Variants in DNTT observed in about 807,000 individuals in gnomAD.
DNTT encodes the protein nucleosidetriphosphate:DNA deoxynucleotidylexotransferase.
Under a neutral mutation model 60.9 loss-of-function variants are expected in DNTT, and 47 were observed. That is an observed-to-expected ratio of 0.77 (90% confidence interval 0.61 to 0.98). The LOEUF (loss-of-function observed/expected upper bound fraction) is 0.98. DNTT is among the 50% of genes least tolerant of loss of function. The pLI is 0.00. For synonymous variants in DNTT, 224 were observed against 221.2 expected (o/e 1.01, Z -0.11); for missense variants, 665 against 627.5 (o/e 1.06, Z -0.64).
At position 96,319,345 on chromosome 10, in the gene DNTT, G is replaced by A. The variant is rs765947661; in HGVS notation, c.462G>A (p.Ala154=). Residue 154 remains alanine (A), a synonymous_variant, in exon 3 of 11, where the codon GCG becomes GCA. Transcript: ENST00000371174. ...CTGTACAAAAGATCTCCCAGTATGC[G>A]TGTCAGAGAAGAACCACTTTAAACA... ...PIAVQKISQY[A]CQRRTTLNNC... is the part of the protein sequence containing the mutation. 1.6e-5 allele frequency: 26 copies of A among 1,613,734 alleles called. No individual in the cohort carries two copies. Among genetic ancestry groups the A allele is most frequent in the South Asian group, 2.2e-5 (2 of 91,056 alleles).
Position 96,324,309 on chromosome 10 carries a change from A to C in DNTT, c.794A>C (p.Lys265Thr), listed in dbSNP as rs1358830143. 1.9e-6 allele frequency: 3 copies of C among 1,613,732 alleles called. No individual in the cohort carries two copies. The highest frequency in any genetic ancestry group is 2.5e-6 in the Non-Finnish European group (3 of 1,179,682). ...GGAGTGGGGCTGAAGACTTCTGAGA[A>C]GTGGTTCAGGATGGGTTTCAGAACT... ...VFGVGLKTSE[K>T]WFRMGFRTLS... The change falls in exon 6 of 11, where the codon AAG becomes ACG. Residue 265 changes from lysine (K) to threonine (T), a missense_variant. Lys to Thr is a moderately conservative substitution (Grantham distance 78). Coordinates refer to ENST00000371174, the MANE Select transcript of DNTT (RefSeq NM_004088.4).
intron 9 of DNTT, among the ~76,000 whole-genome samples, chr10:96,333,010 C>G (rs1281467529): frequency 2.0e-5 from 3 of 152,030 alleles, no homozygotes; most frequent in African/African-American, 7.2e-5. Context: ...AAATAGGAAA[C>G]AATTAATAAA....
At chr10:96,313,685 A>G (rs1336665895) in intron 1 of DNTT, among the ~76,000 whole-genome samples, 3 of 152,220 alleles carry the variant, frequency 2.0e-5, no homozygotes, top group Non-Finnish European at 4.4e-5. Flanking sequence ...GCTAATAGTC[A>G]CAAGTATTTC....
intron 9 of DNTT, among the ~76,000 whole-genome samples, chr10:96,335,245 T>C (rs1845053281): frequency 6.6e-6 from 1 of 152,204 alleles, no homozygotes; most frequent in South Asian, 2.1e-4. Context: ...CTTCATGTAT[T>C]GCTCCCTTCA....
intron 1 of DNTT, among the ~76,000 whole-genome samples, chr10:96,309,303 T>C (rs1844681029): frequency 1.3e-5 from 2 of 152,144 alleles, no homozygotes; most frequent in Admixed American, 1.3e-4. Flanking sequence ...ACCTACTCTG[T>C]GCAGTATTTG....
chr10:96,322,455 G>A (rs1426685805), intron 4 of DNTT, among the ~76,000 whole-genome samples: 8 of 152,142 alleles, frequency 5.3e-5, no homozygotes, highest in Admixed American at 5.2e-4. Context: ...ATCGTAAAGG[G>A]GTCCTTGGAT....
At chr10:96,332,215 G>T in intron 8 of DNTT, 136 bp from the exon 9 acceptor site, 2 of 1,223,824 alleles carry the variant, frequency 1.6e-6, no homozygotes, top group Admixed American at 2.5e-5. Flanking sequence ...AGTGTTTGCA[G>T]GTGGGCCTTT....
chr10:96,318,678 T>A, intron 2 of DNTT, 152 bp downstream of exon 2: 1 of 878,672 alleles, frequency 1.1e-6, no homozygotes. Flanking sequence ...CTTCAGTCTC[T>A]TCCTTTATAA....
rs1402761746 is a variant in DNTT at position 96,338,524 on chromosome 10, C to A, written c.*300C>A. 2 of 228,436 alleles carry A rather than the reference C, an allele frequency of 8.8e-6. No homozygotes were observed. The highest frequency in any genetic ancestry group is 1.7e-5 in the Non-Finnish European group (2 of 116,484). 14.2% of individuals were successfully genotyped at this position (228,436 alleles called of 1,614,324 possible). The stretch of plus-strand genomic sequence containing the variant: ...AAAGCCCACTTTGTTCGCAGTGTAG[C>A]TGAAATACTGTCTATCTCTAATAAA... On this transcript the variant is annotated 3_prime_UTR_variant, in exon 11 of 11. Coordinates refer to ENST00000371174, the MANE Select transcript of DNTT (RefSeq NM_004088.4).
intron 6 of DNTT, among the ~76,000 whole-genome samples, chr10:96,326,890 C>T (rs1205751670): frequency 6.6e-6 from 1 of 152,174 alleles, no homozygotes. Flanking sequence ...CTCTTTCTTT[C>T]CAAATCTCCC....
intron 1 of DNTT, among the ~76,000 whole-genome samples, chr10:96,312,587 A>G (rs1053852605): frequency 2.0e-5 from 3 of 152,200 alleles, no homozygotes; most frequent in African/African-American, 7.2e-5. Flanking sequence ...GGGCAGAGAG[A>G]TCACCCAGCC....
intron 1 of DNTT, among the ~76,000 whole-genome samples, chr10:96,309,651 C>T (rs1844686344): frequency 6.6e-6 from 1 of 152,112 alleles, no homozygotes; most frequent in South Asian, 2.1e-4. Context: ...CCCTGGCAAT[C>T]TCATGGTAGT....
At chr10:96,337,334 TG>T (rs1753360928) in intron 10 of DNTT, among the ~76,000 whole-genome samples, 1 of 152,198 alleles carries the variant, frequency 6.6e-6, no homozygotes. Context: ...GGTCATGTGC[TG>T]CTTCTTGGAA....
chr10:96,310,011 G>A (rs901063972), intron 1 of DNTT, among the ~76,000 whole-genome samples: 1 of 152,178 alleles, frequency 6.6e-6, no homozygotes, highest in Non-Finnish European at 1.5e-5. Context: ...CAGATTCTGT[G>A]GGAGGGAGGG....
intron 9 of DNTT, among the ~76,000 whole-genome samples, chr10:96,334,218 T>C (rs1348378377): frequency 6.6e-6 from 1 of 152,202 alleles, no homozygotes; most frequent in Non-Finnish European, 1.5e-5. Context: ...TGGGTGATCT[T>C]GGACAAGTTC....
At chr10:96,309,013 C>A (rs1844677049) in intron 1 of DNTT, among the ~76,000 whole-genome samples, 1 of 152,144 alleles carries the variant, frequency 6.6e-6, no homozygotes, top group African/African-American at 2.4e-5. Context: ...GGCTCAGAGG[C>A]CTGACAATTA....
chr10:96,324,996 G>A (rs776652804), intron 6 of DNTT, among the ~76,000 whole-genome samples: 12 of 152,168 alleles, frequency 7.9e-5, no homozygotes, highest in Non-Finnish European at 1.6e-4. Flanking sequence ...AGACAAGACC[G>A]TGGTGGGACA....
At position 96,319,318 on chromosome 10, in the gene DNTT, T is replaced by G. The variant is rs371099621; in HGVS notation, c.435T>G (p.Ile145Met). The change falls in exon 3 of 11, where the codon ATT becomes ATG. Residue 145 changes from isoleucine to methionine, a missense_variant. Ile to Met is a conservative substitution (Grantham distance 10, BLOSUM62 1). Transcript: ENST00000371174. ...TNPGPPKTPP[I>M]AVQKISQYAC... is the part of the protein sequence containing the mutation. ...CAGGCCCCCCGAAGACTCCACCAAT[T>G]GCTGTACAAAAGATCTCCCAGTATG... 1 of 1,613,742 alleles carries G rather than the reference T, an allele frequency of 6.2e-7. No homozygotes were observed. The highest frequency in any genetic ancestry group is 1.3e-5 in the African/African-American group (1 of 74,906).
intron 1 of DNTT, among the ~76,000 whole-genome samples, chr10:96,307,389 C>T (rs1489995184): frequency 1.6e-5 from 2 of 125,028 alleles, no homozygotes; most frequent in African/African-American, 3.2e-5. Context: ...CGGAGTCTCG[C>T]TCTGTCCCAG....
Sources: allele counts gnomAD v4.1 joint callset (sites outside exome capture counted in the v4.1 genomes callset), GRCh38; gene constraint gnomAD v4.1.1; transcripts MANE v1.5; gene names NCBI Gene and HGNC (gene_info 2026-07-23, HGNC 2026-07-21).